ANGPT1: variants seen among roughly 807,000 people sequenced by gnomAD.
ANGPT1 encodes angiopoietin 1, also known as angiopoietin-1.
In ANGPT1, 17 loss-of-function variants were observed where a neutral mutation model predicts 62.2. The ratio of observed to expected loss-of-function variants is 0.27; its 90% CI spans 0.19 to 0.41. ANGPT1 has a LOEUF of 0.41. ANGPT1 is among the 10% of genes least tolerant of loss of function. The probability of loss-of-function intolerance (pLI) is 1.00; values close to 1 mark genes in which losing one functional copy is unlikely to be tolerated. For missense variants in ANGPT1, 478 were observed against 594.9 expected (o/e 0.80, Z 2.04); for synonymous variants, 199 against 198.9 (o/e 1.00, Z 0.00).
At chr8:107,321,717 A>C (rs527834755) in intron 4 of ANGPT1, among the ~76,000 whole-genome samples, 179 bp downstream of exon 4, 1 of 152,310 alleles carries the variant, frequency 6.6e-6, no homozygotes, top group East Asian at 1.9e-4. Flanking sequence ...TTATGAATAC[A>C]TTCTCCAGGT....
At chr8:107,380,551 A>T (rs1191327083) in intron 1 of ANGPT1, among the ~76,000 whole-genome samples, 1 of 151,914 alleles carries the variant, frequency 6.6e-6, no homozygotes, top group East Asian at 1.9e-4. Flanking sequence ...TCTTAAAGCA[A>T]TTGGTTAGTT....
intron 4 of ANGPT1, among the ~76,000 whole-genome samples, chr8:107,313,098 C>G (rs1477267351): frequency 2.0e-5 from 3 of 152,070 alleles, no homozygotes; most frequent in Non-Finnish European, 4.4e-5. Flanking sequence ...CGTCATCCCA[C>G]TTGTGAAAAT....
At chr8:107,458,567 G>C (rs991005168) in intron 1 of ANGPT1, among the ~76,000 whole-genome samples, 20 of 152,124 alleles carry the variant, frequency 1.3e-4, no homozygotes, top group Admixed American at 2.6e-4. Context: ...AATTATTGGT[G>C]AGTGTGAATG....
At chr8:107,369,572 T>G (rs1726938727) in intron 1 of ANGPT1, among the ~76,000 whole-genome samples, 1 of 152,228 alleles carries the variant, frequency 6.6e-6, no homozygotes, top group South Asian at 2.1e-4. Context: ...CCTTCTTCAC[T>G]ATGCTTAATT....
chr8:107,375,592 A>G (rs1477983918), intron 1 of ANGPT1, among the ~76,000 whole-genome samples: 1 of 152,180 alleles, frequency 6.6e-6, no homozygotes, highest in Non-Finnish European at 1.5e-5. Flanking sequence ...GACAGACCTG[A>G]TATGTGTATT....
chr8:107,356,889 C>G (rs1816058211), intron 1 of ANGPT1, among the ~76,000 whole-genome samples: 1 of 152,166 alleles, frequency 6.6e-6, no homozygotes. Context: ...TTTCTGTGCA[C>G]TTTACCATAT....
chr8:107,460,299 AC>A (rs1445152330), intron 1 of ANGPT1, among the ~76,000 whole-genome samples: 1 of 152,168 alleles, frequency 6.6e-6, no homozygotes, highest in Non-Finnish European at 1.5e-5. Flanking sequence ...GGGATCAGCT[AC>A]AGGTGGGATC....
intron 1 of ANGPT1, among the ~76,000 whole-genome samples, chr8:107,399,529 G>A (rs548853075): frequency 5.3e-5 from 8 of 152,040 alleles, no homozygotes; most frequent in South Asian, 2.1e-4. Flanking sequence ...CATTAAAAAC[G>A]CATCATTTAA....
At chr8:107,334,034 G>GAAGT (rs1305040229) in intron 3 of ANGPT1, among the ~76,000 whole-genome samples, 1 of 147,492 alleles carries the variant, frequency 6.8e-6, no homozygotes, top group Non-Finnish European at 1.5e-5. Flanking sequence ...AGGAAGGAAG[G>GAAGT]AAGGATGGAT....
intron 1 of ANGPT1, among the ~76,000 whole-genome samples, chr8:107,477,931 T>C (rs4570130): frequency 0.053 from 7,989 of 152,076 alleles, 242 homozygotes; most frequent in South Asian, 0.11. Flanking sequence ...GAAATAAAAA[T>C]TGGTATAAAA....
intron 1 of ANGPT1, among the ~76,000 whole-genome samples, chr8:107,415,770 C>T (rs1810723301): frequency 2.0e-5 from 3 of 152,118 alleles, no homozygotes; most frequent in Admixed American, 2.0e-4. Flanking sequence ...AATAATCCAG[C>T]CTATTTTAGC....
chr8:107,266,576 G>A (rs1392727034), intron 7 of ANGPT1, among the ~76,000 whole-genome samples: 1 of 152,196 alleles, frequency 6.6e-6, no homozygotes, highest in Non-Finnish European at 1.5e-5. Flanking sequence ...CTGGGCCTGG[G>A]AGAGTTTAGC....
rs866686725 is a variant in ANGPT1, at chr8:107,497,776, G to A, written c.-218C>T. Reference sequence around the variant, plus strand: ...TTTCACTGCAATGATGTTTTTCTTCGTTAAAACTTGAGATATTTATTGCAT... The same window carrying A: ...TTTCACTGCAATGATGTTTTTCTTCATTAAAACTTGAGATATTTATTGCAT... On this transcript the variant is annotated 5_prime_UTR_variant, in exon 1 of 9. In the 5' UTR this introduces an upstream ATG that the reference lacks. Coordinates refer to ENST00000517746, the MANE Select transcript of ANGPT1 (RefSeq NM_001146.5). 2.9e-5 allele frequency: 17 copies of A among 587,486 alleles called. No homozygotes were observed. The highest frequency in any genetic ancestry group is 4.4e-4 in the Middle Eastern group (1 of 2,258). 36.4% of individuals were successfully genotyped at this position (587,486 alleles called of 1,614,324 possible).
chr8:107,469,639 G>A (rs1812292100), intron 1 of ANGPT1, among the ~76,000 whole-genome samples: 1 of 151,940 alleles, frequency 6.6e-6, no homozygotes, highest in Non-Finnish European at 1.5e-5. Context: ...CATTAATTAT[G>A]TCATCTTTGA....
intron 1 of ANGPT1, among the ~76,000 whole-genome samples, chr8:107,438,401 C>T (rs1421291973): frequency 1.3e-5 from 2 of 152,016 alleles, no homozygotes; most frequent in African/African-American, 2.4e-5. Flanking sequence ...AAAGACTGTT[C>T]ATCCATATAA....
At chr8:107,422,586 G>C (rs1810920846) in intron 1 of ANGPT1, among the ~76,000 whole-genome samples, 2 of 152,090 alleles carry the variant, frequency 1.3e-5, no homozygotes, top group South Asian at 4.1e-4. Context: ...GTGTCTTCCA[G>C]TTGCATCTCA....
chr8:107,456,196 T>C (rs1811913407), intron 1 of ANGPT1, among the ~76,000 whole-genome samples: 1 of 152,114 alleles, frequency 6.6e-6, no homozygotes, highest in South Asian at 2.1e-4. Context: ...TGGTCAACGT[T>C]AAAACAGAAA....
chr8:107,377,185 T>A (rs942644882), intron 1 of ANGPT1, among the ~76,000 whole-genome samples: 1 of 152,204 alleles, frequency 6.6e-6, no homozygotes, highest in African/African-American at 2.4e-5. Flanking sequence ...TCTATTTCTT[T>A]TGGCACACAC....
intron 1 of ANGPT1, among the ~76,000 whole-genome samples, chr8:107,414,348 A>G (rs1435816537): frequency 6.6e-6 from 1 of 152,200 alleles, no homozygotes; most frequent in African/African-American, 2.4e-5. Context: ...TTCTCAATAC[A>G]AAGGAATAAT....
Sources: gnomAD v4.1 joint callset for allele counts (sites outside exome capture counted in the v4.1 genomes callset) on GRCh38, gnomAD v4.1.1 for gene constraint, MANE v1.5 for transcripts, NCBI Gene and HGNC (gene_info 2026-07-23, HGNC 2026-07-21) for gene names.